The following DAB2IP variants were observed in gnomAD, a reference collection of about 807,000 sequenced individuals.
The protein encoded by DAB2IP is disabled homolog 2-interacting protein.
Under a neutral mutation model 107.2 loss-of-function variants are expected in DAB2IP, and 28 were observed. The ratio of observed to expected loss-of-function variants is 0.26; its 90% CI spans 0.19 to 0.36. The LOEUF (loss-of-function observed/expected upper bound fraction) is 0.36. Ranked by LOEUF, DAB2IP falls within the 10% of genes least tolerant of loss-of-function variation. The probability of loss-of-function intolerance (pLI) is 1.00; values close to 1 mark genes in which losing one functional copy is unlikely to be tolerated. For synonymous variants in DAB2IP, 755 were observed against 706.4 expected, an observed-to-expected ratio of 1.07 and a Z score of -1.09; for missense variants, 1,400 against 1,644.7, an observed-to-expected ratio of 0.85 and a Z score of 2.57.
At chr9:121,579,689 C>T (rs1051259595) in intron 1 of DAB2IP, among the ~76,000 whole-genome samples, 6 of 152,168 alleles carry the variant, frequency 3.9e-5, no homozygotes, top group Non-Finnish European at 8.8e-5. Context: ...CCTTGTCCAT[C>T]GATCTGTCAG....
intron 1 of DAB2IP, among the ~76,000 whole-genome samples, chr9:121,615,708 C>A (rs1471708739): frequency 6.6e-6 from 1 of 151,918 alleles, no homozygotes; most frequent in Non-Finnish European, 1.5e-5. Flanking sequence ...CTCACTGCAA[C>A]CTTGGCCTCC....
intron 1 of DAB2IP, among the ~76,000 whole-genome samples, chr9:121,665,400 G>A (rs1005138226): frequency 2.0e-5 from 3 of 152,114 alleles, no homozygotes; most frequent in Non-Finnish European, 4.4e-5. Flanking sequence ...GTGGAAATTT[G>A]GGGGGAAAAT....
intron 9 of DAB2IP, among the ~76,000 whole-genome samples, chr9:121,767,761 C>T (rs956138920): frequency 1.1e-4 from 16 of 152,302 alleles, no homozygotes; most frequent in African/African-American, 3.6e-4. Context: ...GAAAGGAGAG[C>T]ATAGCTGTGG....
intron 1 of DAB2IP, among the ~76,000 whole-genome samples, chr9:121,641,925 CTT>C (rs1278253304): frequency 7.3e-6 from 1 of 136,330 alleles, no homozygotes; most frequent in African/African-American, 2.8e-5. Flanking sequence ...TTCTTTCTTT[CTT>C]TCTTTCTTTC....
At chr9:121,593,751 T>A (rs971222691) in intron 1 of DAB2IP, among the ~76,000 whole-genome samples, 11 of 148,214 alleles carry the variant, frequency 7.4e-5, no homozygotes, top group Admixed American at 6.8e-4. Flanking sequence ...CACTGCAACC[T>A]CCACCTTCCA....
rs1016484203 is a variant in DAB2IP at position 121,678,536 on chromosome 9, T to A, written c.125-142T>A. The A allele has an allele frequency of 7.1e-5, 40 of 564,508 alleles. No homozygotes were observed. The African/African-American group carries it at 7.2e-4, about 10-fold the overall frequency. 35.0% of individuals were successfully genotyped at this position (564,508 alleles called of 1,614,324 possible). A position where few individuals can be genotyped will look rare whatever the true frequency, so the allele number is the denominator to read the frequency against. Reference sequence around the variant, plus strand: ...TTGTATTTTTAATTTTTGGAGGAACTGCCAGACTTTTCCATAGTGCCTGGA... The same window carrying A: ...TTGTATTTTTAATTTTTGGAGGAACAGCCAGACTTTTCCATAGTGCCTGGA... On this transcript the variant is annotated intron_variant, in intron 1 of 15. Transcript: ENST00000408936.
At chr9:121,744,599 GT>G (rs1391212649) in intron 3 of DAB2IP, among the ~76,000 whole-genome samples, 1 of 152,224 alleles carries the variant, frequency 6.6e-6, no homozygotes, top group Non-Finnish European at 1.5e-5. Context: ...CAGGCTTCCT[GT>G]AGTTACTTAA....
chr9:121,681,929 CAA>C (rs1828624215), intron 2 of DAB2IP, among the ~76,000 whole-genome samples: 1 of 152,200 alleles, frequency 6.6e-6, no homozygotes, highest in Non-Finnish European at 1.5e-5. Flanking sequence ...TGTGGTCGCC[CAA>C]GTCTGACCCA....
At position 121,776,412 on chromosome 9, in the gene DAB2IP, G is replaced by A. The variant is rs1278417623; in HGVS notation, c.3314+21G>A. 1 of 1,504,366 alleles carries A rather than the reference G, an allele frequency of 6.6e-7. No homozygotes were observed. Among genetic ancestry groups the A allele is most frequent in the Non-Finnish European group, 8.9e-7 (1 of 1,125,950 alleles). 93.2% of individuals were successfully genotyped at this position (1,504,366 alleles called of 1,614,324 possible). A position where few individuals can be genotyped will look rare whatever the true frequency, so the allele number is the denominator to read the frequency against. On this transcript the variant is annotated intron_variant, in intron 14 of 15. Coordinates refer to ENST00000408936, the Ensembl canonical transcript of DAB2IP. The surrounding 1 kb of genome is among the most constrained non-coding windows in gnomAD (Gnocchi z 5.4). ...AGCAGGTGGGGCCCACACCTGCCTG[G>A]CCTGGCCACAGGCACAGGCAGGGCA...
At chr9:121,620,651 G>A (rs867156984) in intron 1 of DAB2IP, among the ~76,000 whole-genome samples, 2 of 152,118 alleles carry the variant, frequency 1.3e-5, no homozygotes, top group South Asian at 2.1e-4. Flanking sequence ...CACCCTGGGG[G>A]GGTCCTGCCC....
At chr9:121,609,622 G>T (rs573295088) in intron 1 of DAB2IP, among the ~76,000 whole-genome samples, 6 of 152,240 alleles carry the variant, frequency 3.9e-5, no homozygotes, top group Non-Finnish European at 7.3e-5. Flanking sequence ...CCCCTGGTGG[G>T]CAGGACAGGA....
At chr9:121,667,297 G>C (rs1833483148) in intron 1 of DAB2IP, among the ~76,000 whole-genome samples, 1 of 151,626 alleles carries the variant, frequency 6.6e-6, no homozygotes, top group African/African-American at 2.4e-5. Context: ...AGCACTTTGG[G>C]GTAAATTACA....
chr9:121,650,332 G>C (rs923503972), upstream of DAB2IP, among the ~76,000 whole-genome samples: 3 of 152,214 alleles, frequency 2.0e-5, no homozygotes, highest in Admixed American at 1.3e-4. Context: ...CTGTGAGACA[G>C]GCTCCGCAGG....
chr9:121,567,198 G>A (rs200496124), exon 1 of DAB2IP: 11 of 1,614,030 alleles, frequency 6.8e-6, no homozygotes, highest in African/African-American at 6.7e-5. Flanking sequence ...CATGGAGCCC[G>A]ACTCCCTTCT....
intron 3 of DAB2IP, among the ~76,000 whole-genome samples, chr9:121,733,826 G>A (rs1380879800): frequency 1.3e-5 from 2 of 152,208 alleles, no homozygotes; most frequent in East Asian, 1.9e-4. Flanking sequence ...TGAGAAAGGC[G>A]GGGCATGCAC....
intron 1 of DAB2IP, among the ~76,000 whole-genome samples, chr9:121,585,847 T>A (rs57351010): frequency 0.038 from 5,614 of 149,036 alleles, 296 homozygotes; most frequent in African/African-American, 0.11. Flanking sequence ...GTTAGGGATT[T>A]AAAAAAAAAA....
intron 1 of DAB2IP, among the ~76,000 whole-genome samples, chr9:121,575,630 G>A (rs1830039838): frequency 6.6e-6 from 1 of 152,086 alleles, no homozygotes; most frequent in South Asian, 2.1e-4. Context: ...TTCCAAAGAG[G>A]CAGGTGGACC....
intron 1 of DAB2IP, among the ~76,000 whole-genome samples, chr9:121,573,936 G>C (rs1830004133): frequency 6.6e-6 from 1 of 152,112 alleles, no homozygotes; most frequent in Non-Finnish European, 1.5e-5. Flanking sequence ...CTCTCCCGGG[G>C]AGCGTTCACT....
chr9:121,739,432 T>C (rs1401498957), intron 3 of DAB2IP, among the ~76,000 whole-genome samples: 2 of 152,262 alleles, frequency 1.3e-5, no homozygotes, highest in Non-Finnish European at 2.9e-5. Context: ...GCTTTTAAGG[T>C]GAGGAGTTCA....
Sources: gnomAD v4.1 joint callset for allele counts (sites outside exome capture counted in the v4.1 genomes callset) on GRCh38, gnomAD v4.1.1 for gene constraint, Gnocchi (gnomAD v3.1) non-coding constraint, MANE v1.5 for transcripts, NCBI Gene and HGNC (gene_info 2026-07-23, HGNC 2026-07-21) for gene names.